The following ROBO1 variants were observed in gnomAD, a reference collection of about 807,000 sequenced individuals.
ROBO1 encodes the protein roundabout guidance receptor 1.
Under a neutral mutation model 195.9 loss-of-function variants are expected in ROBO1, and 149 were observed. The ratio of observed to expected loss-of-function variants is 0.76; its 90% CI spans 0.67 to 0.87. The LOEUF is 0.87. ROBO1 is among the 40% of genes least tolerant of loss of function. ROBO1 has a pLI of 0.00. For missense variants in ROBO1, 1,933 were observed against 2,068.3 expected (o/e 0.93, Z 1.27); for synonymous variants, 816 against 733.2 (o/e 1.11, Z -1.82).
At chr3:79,322,937 A>G (rs1437951068) in intron 2 of ROBO1, among the ~76,000 whole-genome samples, 1 of 152,190 alleles carries the variant, frequency 6.6e-6, no homozygotes, top group East Asian at 1.9e-4. Context: ...TTAAATCTAT[A>G]CCAACTGGTA....
Position 78,616,022 on chromosome 3 carries a change from A to C in ROBO1, c.4283-1222T>G, listed in dbSNP as rs1042467721. Reference sequence around the variant, plus strand: ...CAACCTCTCTTTAGCTATGATGGAGACTATTACAATTAAAGTTACATATCC... The same window carrying C: ...CAACCTCTCTTTAGCTATGATGGAGCCTATTACAATTAAAGTTACATATCC... On this transcript the variant is annotated intron_variant, in intron 27 of 30. Transcript: ENST00000464233. Among the ~76,000 whole-genome samples, 12 of 152,288 alleles carry C rather than the reference A, an allele frequency of 7.9e-5. No individual in the cohort carries two copies. In the East Asian group the frequency reaches 1.5e-3, roughly 20 times the overall value.
At chr3:79,728,922 A>C (rs2107341457) in intron 1 of ROBO1, among the ~76,000 whole-genome samples, 1 of 152,308 alleles carries the variant, frequency 6.6e-6, no homozygotes, top group South Asian at 2.1e-4. Context: ...CATGAAATAA[A>C]GTGCTAGCTA....
intron 5 of ROBO1, among the ~76,000 whole-genome samples, chr3:78,723,997 A>G (rs2082103866): frequency 1.3e-5 from 2 of 152,184 alleles, no homozygotes; most frequent in African/African-American, 4.8e-5. Flanking sequence ...CACTGACAAT[A>G]ATGGTTAAGG....
At position 78,822,480 on chromosome 3, in the gene ROBO1, G is replaced by A. The variant is rs150912100; in HGVS notation, c.500-75580C>T. Among the ~76,000 whole-genome samples the A allele has an allele frequency of 4.0e-3, 607 of 152,162 alleles. 1 individual carries two copies. The highest frequency in any genetic ancestry group is 0.01 in the Middle Eastern group (3 of 294). ...ATTGAAGATACAAAGACACAGTCCC[G>A]GCACATCCAAGGGACTAGAGAATGA... On this transcript the variant is annotated intron_variant, in intron 4 of 30. Transcript: ENST00000464233.
intron 1 of ROBO1, among the ~76,000 whole-genome samples, chr3:79,710,500 T>G (rs1702231609): frequency 3.3e-5 from 5 of 152,114 alleles, no homozygotes; most frequent in Admixed American, 3.3e-4. Context: ...AAATAAAGAT[T>G]TATGCAGATA....
intron 3 of ROBO1, among the ~76,000 whole-genome samples, chr3:78,943,956 A>G (rs1381322020): frequency 6.6e-6 from 1 of 152,230 alleles, no homozygotes; most frequent in Non-Finnish European, 1.5e-5. Context: ...AAAACCATAA[A>G]TGGTAATCAT....
At position 79,708,425 on chromosome 3, in the gene ROBO1, G is replaced by A. The variant is rs73849819; in HGVS notation, c.-51+59327C>T. On this transcript the variant is annotated intron_variant, in intron 1 of 30. Coordinates refer to ENST00000464233, the MANE Select transcript of ROBO1 (RefSeq NM_002941.4). The stretch of plus-strand genomic sequence containing the variant: ...AAGGTGCCTCTGCCACATAAAACAC[G>A]AATTATATAAATTTGTATGCTTTTC... 8.8e-3 allele frequency among the ~76,000 whole-genome samples: 1,343 copies of A among 152,142 alleles called. 14 individuals carry two copies. The highest frequency in any genetic ancestry group is 0.031 in the African/African-American group (1,282 of 41,532).
At chr3:79,387,985 T>A (rs780468224) in intron 2 of ROBO1, among the ~76,000 whole-genome samples, 1 of 152,134 alleles carries the variant, frequency 6.6e-6, no homozygotes, top group Non-Finnish European at 1.5e-5. Context: ...ATAGGCACTG[T>A]GTGATATGGA....
intron 2 of ROBO1, among the ~76,000 whole-genome samples, chr3:79,211,073 A>G (rs761406189): frequency 1.6e-4 from 24 of 152,174 alleles, no homozygotes; most frequent in Non-Finnish European, 3.2e-4. Flanking sequence ...TTGGTTAATA[A>G]TAGAAAATGG....
chr3:78,893,213 G>C (rs1399981208), intron 4 of ROBO1, among the ~76,000 whole-genome samples: 1 of 152,226 alleles, frequency 6.6e-6, no homozygotes, highest in Non-Finnish European at 1.5e-5. Context: ...CATCCAATGT[G>C]ATAGTATTAA....
At chr3:79,656,226 T>A (rs1946153395) in intron 1 of ROBO1, among the ~76,000 whole-genome samples, 1 of 151,844 alleles carries the variant, frequency 6.6e-6, no homozygotes, top group Admixed American at 6.6e-5. Flanking sequence ...TTATTAATAG[T>A]AGTGGTATTT....
At chr3:79,448,776 AG>A (rs2039350598) in intron 2 of ROBO1, among the ~76,000 whole-genome samples, 1 of 152,216 alleles carries the variant, frequency 6.6e-6, no homozygotes, top group South Asian at 2.1e-4. Context: ...AGATTCCATA[AG>A]TATCAACATG....
intron 3 of ROBO1, among the ~76,000 whole-genome samples, chr3:79,088,416 T>C (rs2079414359): frequency 1.3e-5 from 2 of 152,136 alleles, no homozygotes; most frequent in Admixed American, 6.6e-5. Flanking sequence ...AGAAGTTAAA[T>C]TGTAGTTCTT....
At chr3:79,743,911 T>G (rs1377830746) in intron 1 of ROBO1, among the ~76,000 whole-genome samples, 1 of 152,178 alleles carries the variant, frequency 6.6e-6, no homozygotes. Flanking sequence ...CACTGCCTTC[T>G]TCTGCAACAC....
At chr3:79,413,446 CAAGAGGGATAGGAGG>C (rs2037863968) in intron 2 of ROBO1, among the ~76,000 whole-genome samples, 4 of 151,958 alleles carry the variant, frequency 2.6e-5, no homozygotes, top group South Asian at 4.2e-4. Context: ...GGGTATAAGG[CAAGAGGGATAGGAGG>C]AGATTGTGGT....
chr3:79,249,657 T>C (rs543756400), intron 2 of ROBO1, among the ~76,000 whole-genome samples: 22 of 152,262 alleles, frequency 1.4e-4, no homozygotes, highest in Middle Eastern at 6.8e-3. Flanking sequence ...GTAAGTGCAA[T>C]TTTCAACTAA....
intron 2 of ROBO1, among the ~76,000 whole-genome samples, chr3:79,495,055 G>T (rs1037396785): frequency 6.6e-6 from 1 of 152,036 alleles, no homozygotes; most frequent in African/African-American, 2.4e-5. Context: ...TTTGTTTATT[G>T]CCTCTTACCC....
intron 2 of ROBO1, among the ~76,000 whole-genome samples, chr3:79,500,515 C>G (rs1940011975): frequency 6.6e-6 from 1 of 152,212 alleles, no homozygotes; most frequent in African/African-American, 2.4e-5. Context: ...TTCATTGCTC[C>G]TGTGACGCAC....
intron 1 of ROBO1, among the ~76,000 whole-genome samples, chr3:79,753,195 ACCACCT>A (rs1704213720): frequency 6.6e-6 from 1 of 152,240 alleles, no homozygotes; most frequent in Admixed American, 6.5e-5. Flanking sequence ...GCTTATTCAA[ACCACCT>A]AAATTACTTT....
Sources: gnomAD v4.1 joint callset for allele counts (sites outside exome capture counted in the v4.1 genomes callset) on GRCh38, gnomAD v4.1.1 for gene constraint, MANE v1.5 for transcripts, NCBI Gene and HGNC (gene_info 2026-07-23, HGNC 2026-07-21) for gene names.